SDK1: variants seen among roughly 807,000 people sequenced by gnomAD.
The protein encoded by SDK1 is sidekick cell adhesion molecule 1.
In SDK1, 157 loss-of-function variants were observed where a neutral mutation model predicts 245.5. That is an observed-to-expected ratio of 0.64 (90% CI 0.56 to 0.73). SDK1 has a LOEUF of 0.73. Among genes scored for constraint, SDK1 ranks in the 30% least tolerant of loss-of-function variants. The pLI is 0.00. For missense variants in SDK1, 3,583 were observed against 3,002.3 expected, an observed-to-expected ratio of 1.19 and a Z score of -4.52; for synonymous variants, 1,647 against 1,278.5, an observed-to-expected ratio of 1.29 and a Z score of -6.15.
intron 5 of SDK1, among the ~76,000 whole-genome samples, chr7:3,912,030 G>A (rs1779185848): frequency 6.6e-6 from 1 of 152,164 alleles, no homozygotes; most frequent in Admixed American, 6.5e-5. Flanking sequence ...GGGGCGTGCA[G>A]GGCAAGGGGG....
In SDK1 at chr7:3,392,975, TTTTTTC is replaced by T. The variant is rs1264147164; in HGVS notation, c.298+91097_298+91102del. Among the ~76,000 whole-genome samples the T allele has an allele frequency of 1.8e-4, 25 of 136,816 alleles. 1 individual carries two copies. The highest frequency in any genetic ancestry group is 4.9e-4 in the African/African-American group (17 of 34,746). 89.8% of individuals were successfully genotyped at this position (136,816 alleles called of 152,430 possible). A position where few individuals can be genotyped will look rare whatever the true frequency, so the allele number is the denominator to read the frequency against. On this transcript the variant is annotated intron_variant, in intron 1 of 44. Coordinates refer to ENST00000404826, the MANE Select transcript of SDK1 (RefSeq NM_152744.4). ...CCCTGTTTTAAATTTTTTTTTTTTT[TTTTTTC>T]TTTTTTGAGATGGAGTTTTGCTCTT...
chr7:3,562,156 C>T (rs903730872), intron 1 of SDK1, among the ~76,000 whole-genome samples: 1 of 152,198 alleles, frequency 6.6e-6, no homozygotes, highest in Non-Finnish European at 1.5e-5. Flanking sequence ...GTTTCGGAAA[C>T]TGCATAGCAC....
chr7:3,403,438 T>C (rs779507503), intron 1 of SDK1, among the ~76,000 whole-genome samples: 7 of 152,138 alleles, frequency 4.6e-5, no homozygotes, highest in Non-Finnish European at 7.4e-5. Flanking sequence ...GACTATTTGA[T>C]GGTGTTTTTT....
chr7:3,361,104 T>C (rs1360238481), intron 1 of SDK1, among the ~76,000 whole-genome samples: 1 of 152,196 alleles, frequency 6.6e-6, no homozygotes, highest in Non-Finnish European at 1.5e-5. Context: ...CTTAAACACA[T>C]ACTAAATTCC....
Position 3,916,043 on chromosome 7 carries a change from G to A in SDK1, c.848-34880G>A, listed in dbSNP as rs551108193. Among the ~76,000 whole-genome samples, 6 of 152,190 alleles carry A rather than the reference G, an allele frequency of 3.9e-5. No homozygotes were observed. In the South Asian group the frequency reaches 8.3e-4, roughly 21 times the overall value. On this transcript the variant is annotated intron_variant, in intron 5 of 44. Coordinates refer to ENST00000404826, the MANE Select transcript of SDK1 (RefSeq NM_152744.4). ...TTGTCAAGGTTGAGGGCACACCCAG[G>A]AAAAAGAAACACAAGTCATAGTAGG...
intron 1 of SDK1, among the ~76,000 whole-genome samples, chr7:3,426,745 C>G (rs1225484517): frequency 1.3e-5 from 2 of 152,222 alleles, no homozygotes; most frequent in African/African-American, 4.8e-5. Flanking sequence ...TTTTAACTCT[C>G]AAATAAATTA....
At chr7:3,449,885 TC>T (rs1312285460) in intron 1 of SDK1, among the ~76,000 whole-genome samples, 1 of 152,178 alleles carries the variant, frequency 6.6e-6, no homozygotes, top group Non-Finnish European at 1.5e-5. Context: ...TCAGGTTACA[TC>T]ATTGCAGAAC....
intron 5 of SDK1, among the ~76,000 whole-genome samples, chr7:3,845,677 C>G (rs1431947484): frequency 1.3e-5 from 2 of 150,294 alleles, no homozygotes; most frequent in African/African-American, 5.0e-5. Context: ...AGAGAATTCT[C>G]TCCACGTGCT....
intron 1 of SDK1, among the ~76,000 whole-genome samples, chr7:3,379,759 A>G (rs1376755194): frequency 6.6e-6 from 1 of 152,012 alleles, no homozygotes; most frequent in Non-Finnish European, 1.5e-5. Context: ...ATACATACAT[A>G]TAGGCTGAAC....
At chr7:3,958,411 GTGCTCCCTTA>G (rs1263076685) in intron 7 of SDK1, 1 of 201,576 alleles carries the variant, frequency 5.0e-6, no homozygotes, top group Admixed American at 5.3e-5. Flanking sequence ...AGATAGATGA[GTGCTCCCTTA>G]TATGTTTTCT....
chr7:4,171,286 T>C (rs1234125995), intron 32 of SDK1, among the ~76,000 whole-genome samples: 1 of 152,224 alleles, frequency 6.6e-6, no homozygotes, highest in Non-Finnish European at 1.5e-5. Flanking sequence ...GCTCACTTTC[T>C]GCTTTGTTTC....
intron 32 of SDK1, among the ~76,000 whole-genome samples, chr7:4,172,282 C>A (rs905881709): frequency 6.6e-6 from 1 of 152,192 alleles, no homozygotes; most frequent in Non-Finnish European, 1.5e-5. Flanking sequence ...TTTTGGAAAA[C>A]CTCCTGAGTC....
intron 28 of SDK1, among the ~76,000 whole-genome samples, chr7:4,132,751 G>A (rs1451261469): frequency 6.6e-6 from 1 of 152,048 alleles, no homozygotes; most frequent in Non-Finnish European, 1.5e-5. Context: ...AAAAAGGAGT[G>A]ATGGTATTTA....
At chr7:3,627,563 G>C (rs78117251) in intron 2 of SDK1, among the ~76,000 whole-genome samples, 4,289 of 152,248 alleles carry the variant, frequency 0.028, 197 homozygotes, top group African/African-American at 0.099. Context: ...CAAGTGGCCA[G>C]CTTGAAGAAT....
At chr7:3,574,846 G>C (rs529278251) in intron 1 of SDK1, among the ~76,000 whole-genome samples, 1 of 152,164 alleles carries the variant, frequency 6.6e-6, no homozygotes, top group East Asian at 1.9e-4. Context: ...TAGAATTACA[G>C]AATTAAGAAG....
intron 5 of SDK1, among the ~76,000 whole-genome samples, chr7:3,867,091 T>A (rs558251822): frequency 6.6e-6 from 1 of 152,326 alleles, no homozygotes; most frequent in East Asian, 1.9e-4. Context: ...AAAAGCCGTA[T>A]TTTTCCAAGT....
At chr7:3,704,747 G>A (rs193202128) in intron 4 of SDK1, among the ~76,000 whole-genome samples, 1 of 152,190 alleles carries the variant, frequency 6.6e-6, no homozygotes, top group African/African-American at 2.4e-5. Context: ...TGAGGTCTCA[G>A]TCATGAATTC....
At position 3,918,107 on chromosome 7, in the gene SDK1, A is replaced by C. The variant is rs551512465; in HGVS notation, c.848-32816A>C. 5.3e-5 allele frequency among the ~76,000 whole-genome samples: 8 copies of C among 152,312 alleles called. No individual in the cohort carries two copies. In the South Asian group the frequency reaches 8.3e-4, roughly 16 times the overall value. ...GACTGGATCTCAGTTCAGCCATCCC[A>C]GGGGCTACCCTCTCACCTCAAACTC... On this transcript the variant is annotated intron_variant, in intron 5 of 44. Coordinates refer to ENST00000404826, the MANE Select transcript of SDK1 (RefSeq NM_152744.4).
intron 22 of SDK1, among the ~76,000 whole-genome samples, chr7:4,090,640 C>G (rs559289852): frequency 6.6e-6 from 1 of 152,192 alleles, no homozygotes; most frequent in East Asian, 1.9e-4. Context: ...GTTCCCAACT[C>G]ATCTTGTTCT....
Sources: gnomAD v4.1 joint callset for allele counts (sites outside exome capture counted in the v4.1 genomes callset) on GRCh38, gnomAD v4.1.1 for gene constraint, MANE v1.5 for transcripts, NCBI Gene and HGNC (gene_info 2026-07-23, HGNC 2026-07-21) for gene names.